ZC3HC1: variants seen among roughly 807,000 people sequenced by gnomAD.
The protein encoded by ZC3HC1 is zinc finger C3HC-type containing 1.
ZC3HC1 carries 38 observed loss-of-function variants against 61.9 expected under a neutral mutation model. That is an observed-to-expected ratio of 0.61 (90% CI 0.47 to 0.81). The LOEUF (loss-of-function observed/expected upper bound fraction) is 0.81. ZC3HC1 is among the 30% of genes least tolerant of loss of function. ZC3HC1 has a pLI of 0.00. For synonymous variants in ZC3HC1, 213 were observed against 229.9 expected (o/e 0.93, Z 0.67); for missense variants, 554 against 622.7 (o/e 0.89, Z 1.17).
chr7:130,045,469 A>G (rs1215085331), intron 2 of ZC3HC1: 1 of 457,364 alleles, frequency 2.2e-6, no homozygotes, highest in Middle Eastern at 3.3e-4. Context: ...GAGTATCCTC[A>G]GCTTCACAAC....
At chr7:130,050,568 T>C in intron 1 of ZC3HC1, 1 of 1,298,434 alleles carries the variant, frequency 7.7e-7, no homozygotes, top group Non-Finnish European at 1.0e-6. Flanking sequence ...TGACAAGATT[T>C]AGCATTTTCT....
intron 9 of ZC3HC1, among the ~76,000 whole-genome samples, chr7:130,020,798 T>G (rs190902178): frequency 1.3e-5 from 2 of 152,342 alleles, no homozygotes; most frequent in African/African-American, 4.8e-5. Flanking sequence ...AAACTGCCAA[T>G]GTACTAGTTC....
chr7:130,035,213 A>C (rs995388791), intron 4 of ZC3HC1, among the ~76,000 whole-genome samples: 1 of 151,996 alleles, frequency 6.6e-6, no homozygotes, highest in Non-Finnish European at 1.5e-5. Flanking sequence ...AATATGGTGA[A>C]ACCCCGTCTC....
intron 1 of ZC3HC1, 39 bp downstream of exon 1, chr7:130,051,182 T>C: frequency 1.3e-6 from 2 of 1,565,648 alleles, no homozygotes; most frequent in Non-Finnish European, 1.7e-6. Flanking sequence ...CCTTCTTCAA[T>C]CTTCCAACGC....
rs775140735 is a variant in ZC3HC1 at position 130,028,903 on chromosome 7, A to T, written c.620T>A (p.Met207Lys). 4 of 1,612,358 alleles carry T rather than the reference A, an allele frequency of 2.5e-6. No homozygotes were observed. In the Admixed American group the frequency reaches 6.7e-5, roughly 27 times the overall value. ...PSLRPEDLKT[M>K]CLTEDKISLL... is the part of the protein sequence containing the mutation. Reference sequence around the variant, plus strand: ...GCAGCCTAGTCAGGAAAAACTCACCATAGTTTTCAAGTCCTCCGGCCTTAG... The same window carrying T: ...GCAGCCTAGTCAGGAAAAACTCACCTTAGTTTTCAAGTCCTCCGGCCTTAG... The change falls in exon 5 of 10, where the codon ATG (methionine) becomes AAG (lysine). Residue 207 changes from methionine to lysine, a missense_variant and splice_region_variant. Met to Lys is a moderately conservative substitution (Grantham distance 95, BLOSUM62 -1). Coordinates refer to ENST00000358303, the MANE Select transcript of ZC3HC1 (RefSeq NM_016478.5).
At chr7:130,039,824 G>A (rs1484424842) in intron 3 of ZC3HC1, among the ~76,000 whole-genome samples, 2 of 151,502 alleles carry the variant, frequency 1.3e-5, no homozygotes, top group Admixed American at 6.6e-5. Context: ...GTGCAATCTC[G>A]GCTCATTGCA....
At position 130,039,696 on chromosome 7, in the gene ZC3HC1, C is replaced by A. The variant is rs925668323; in HGVS notation, c.410-149G>T. The A allele has an allele frequency of 7.3e-5, 40 of 549,804 alleles. No individual in the cohort carries two copies. In the Middle Eastern group the frequency reaches 1.5e-3, roughly 21 times the overall value. 34.1% of individuals were successfully genotyped at this position (549,804 alleles called of 1,614,324 possible). On this transcript the variant is annotated intron_variant, in intron 3 of 9. Coordinates refer to ENST00000358303, the MANE Select transcript of ZC3HC1 (RefSeq NM_016478.5). The stretch of plus-strand genomic sequence containing the variant: ...AAGTACATAATCTTAATATTTTTCA[C>A]AAAACAGGTTTTAAATTGAGATCCT...
Position 130,023,806 on chromosome 7 carries a change from C to A in ZC3HC1, c.1021-83G>T. 2.0e-6 allele frequency: 2 copies of A among 986,016 alleles called. No individual in the cohort carries two copies. The highest frequency in any genetic ancestry group is 2.8e-6 in the Non-Finnish European group (2 of 720,200). The allele number at this position is 986,016 out of a possible 1,614,324, so 61.1% of individuals were successfully genotyped here. ...AATACTTCTTTCTTTAATCTTTTTTCTTTTTTTTTTTGAGACAGAGTCTCG... is the reference window on the plus strand; with the variant it reads ...AATACTTCTTTCTTTAATCTTTTTTATTTTTTTTTTTGAGACAGAGTCTCG... On this transcript the variant is annotated intron_variant, in intron 7 of 9. Transcript: ENST00000358303. This position sits in a 1 kb window ranked among gnomAD's most constrained non-coding sequence, Gnocchi z 4.2.
In ZC3HC1 at chr7:130,023,093, T is replaced by G. The variant is rs897142553; in HGVS notation, c.1233+418A>C. The G allele has an allele frequency of 6.1e-6, 1 of 165,214 alleles. No homozygotes were observed. The highest frequency in any genetic ancestry group is 2.4e-5 in the African/African-American group (1 of 41,446). The allele number at this position is 165,214 out of a possible 1,614,324, so 10.2% of individuals were successfully genotyped here. A position where few individuals can be genotyped will look rare whatever the true frequency, so the allele number is the denominator to read the frequency against. On this transcript the variant is annotated intron_variant, in intron 8 of 9. Coordinates refer to ENST00000358303, the MANE Select transcript of ZC3HC1 (RefSeq NM_016478.5). This position sits in a 1 kb window ranked among gnomAD's most constrained non-coding sequence, Gnocchi z 4.2. ...ATGGTGAGTTGTACAATTATTTCATTATATATTACAATATAATAATAATAG... is the reference window on the plus strand; with the variant it reads ...ATGGTGAGTTGTACAATTATTTCATGATATATTACAATATAATAATAATAG...
At chr7:130,035,152 G>A (rs1156388428) in intron 4 of ZC3HC1, among the ~76,000 whole-genome samples, 2 of 152,094 alleles carry the variant, frequency 1.3e-5, no homozygotes, top group African/African-American at 2.4e-5. Flanking sequence ...CACTTTGGGA[G>A]GCCGAGGAGA....
intron 4 of ZC3HC1, among the ~76,000 whole-genome samples, chr7:130,035,557 G>A (rs562292255): frequency 2.0e-5 from 3 of 151,698 alleles, no homozygotes; most frequent in South Asian, 2.1e-4. Context: ...TCACTGTGTC[G>A]CCCAGGCTGG....
chr7:130,049,120 C>T lies in ZC3HC1; in HGVS notation c.171G>A (p.Gln57=), dbSNP rs1794976774. 4 of 1,602,388 alleles carry T rather than the reference C, an allele frequency of 2.5e-6. No homozygotes were observed. The highest frequency in any genetic ancestry group is 1.7e-5 in the Admixed American group (1 of 58,178). ...CCGCTTGGGGTGATCCATTAACTGACTGGGATGTGGCAGACGTGTCCTTCC... is the reference window on the plus strand; with the variant it reads ...CCGCTTGGGGTGATCCATTAACTGATTGGGATGTGGCAGACGTGTCCTTCC... ...VDAKDTSATS[Q]SVNGSPQAEQ... is the part of the protein sequence containing the mutation. The change falls in exon 2 of 10, where the codon CAG becomes CAA. Residue 57 remains glutamine, a synonymous_variant. Coordinates refer to ENST00000358303, the MANE Select transcript of ZC3HC1 (RefSeq NM_016478.5).
chr7:130,051,032 A>C (rs1349147938), intron 1 of ZC3HC1, among the ~76,000 whole-genome samples, 189 bp downstream of exon 1: 1 of 152,190 alleles, frequency 6.6e-6, no homozygotes, highest in Non-Finnish European at 1.5e-5. Flanking sequence ...TGCGGTTGGG[A>C]ATCTGGTACA....
intron 3 of ZC3HC1, among the ~76,000 whole-genome samples, chr7:130,040,544 C>T (rs1794611624): frequency 6.7e-6 from 1 of 150,314 alleles, no homozygotes; most frequent in African/African-American, 2.4e-5. Flanking sequence ...TATGGCTTAC[C>T]CCTGTAATCT....
In ZC3HC1 at chr7:130,051,257, T is replaced by C. The variant is rs1795064611; in HGVS notation, c.110A>G (p.Asp37Gly). ...GTPQKIRQLI[D>G]EGIAPEEGGV... ...TCCCTCTTCCGGGGCAATCCCCTCA[T>C]CTATCAGCTGCCGGATTTTCTGGGG... Residue 37 changes from aspartate to glycine, a missense_variant, in exon 1 of 10, where the codon GAT becomes GGT. Coordinates refer to ENST00000358303, the MANE Select transcript of ZC3HC1 (RefSeq NM_016478.5). 3.7e-6 allele frequency: 6 copies of C among 1,612,062 alleles called. No homozygotes were observed. The highest frequency in any genetic ancestry group is 5.1e-6 in the Non-Finnish European group (6 of 1,179,082).
At chr7:130,026,408 G>A (rs889551181) in intron 5 of ZC3HC1, 96 bp from the exon 6 acceptor site, 36 of 1,305,544 alleles carry the variant, frequency 2.8e-5, no homozygotes, top group Non-Finnish European at 3.6e-5. Flanking sequence ...CGAAAATCAG[G>A]AAGGAAATTA....
intron 4 of ZC3HC1, chr7:130,036,851 C>T (rs1292150121): frequency 6.6e-6 from 1 of 152,306 alleles, no homozygotes; most frequent in East Asian, 1.9e-4. Context: ...TCTAAAGTGA[C>T]TTTCAGGTTT....
At chr7:130,051,388 T>C, upstream of ZC3HC1, 1 of 1,612,762 alleles carries the variant, frequency 6.2e-7, no homozygotes, top group Non-Finnish European at 8.5e-7. Context: ...GCCGAGTTGC[T>C]TCCCCGAGAG....
intron 1 of ZC3HC1, 80 bp downstream of exon 1, chr7:130,051,141 A>G: frequency 6.6e-7 from 1 of 1,507,762 alleles, no homozygotes. Context: ...ACCGAGGGGA[A>G]CCTCCCCCAA....
Sources: gnomAD v4.1 joint callset for allele counts (sites outside exome capture counted in the v4.1 genomes callset) on GRCh38, gnomAD v4.1.1 for gene constraint, Gnocchi (gnomAD v3.1) non-coding constraint, MANE v1.5 for transcripts, NCBI Gene and HGNC (gene_info 2026-07-23, HGNC 2026-07-21) for gene names.